Variants in DMKN observed in about 807,000 individuals in gnomAD.
DMKN encodes the protein epidermis-specific secreted protein SK30/SK89.
Under a neutral mutation model 67.6 loss-of-function variants are expected in DMKN, and 58 were observed. The observed-to-expected ratio is 0.86, with a 90% confidence interval of 0.69 to 1.07. The LOEUF (loss-of-function observed/expected upper bound fraction) is 1.07. Ranked by LOEUF, DMKN falls within the 50% of genes least tolerant of loss-of-function variation. DMKN has a pLI of 0.00. For synonymous variants in DMKN, 240 were observed against 232.3 expected (o/e 1.03, Z -0.30); for missense variants, 596 against 601.5 (o/e 0.99, Z 0.10).
chr19:35,501,864 G>T, intron 11 of DMKN: 1 of 1,586,932 alleles, frequency 6.3e-7, no homozygotes, highest in Non-Finnish European at 8.6e-7. Context: ...CCCAGCAGGA[G>T]CAGGAGCAGA....
Position 35,500,209 on chromosome 19 carries a change from A to G in DMKN, c.1288-180T>C, listed in dbSNP as rs575856737. On this transcript the variant is annotated intron_variant, in intron 12 of 15. Coordinates refer to ENST00000339686, the MANE Select transcript of DMKN (RefSeq NM_033317.5). ...CCAGCCAGCCAGGGCCCCCACCCTC[A>G]CCTGCCTTTACTGTCCTAGCCCAAA... The G allele has an allele frequency of 5.1e-6, 6 of 1,179,544 alleles. No individual in the cohort carries two copies. The African/African-American group carries it at 9.2e-5, about 18-fold the overall frequency. The allele number at this position is 1,179,544 out of a possible 1,614,324, so 73.1% of individuals were successfully genotyped here. A position where few individuals can be genotyped will look rare whatever the true frequency, so the allele number is the denominator to read the frequency against.
intron 13 of DMKN, chr19:35,499,366 G>A (rs2067976557): frequency 5.2e-6 from 1 of 190,856 alleles, no homozygotes; most frequent in Non-Finnish European, 1.1e-5. Context: ...TACACAGCCT[G>A]CTGTTGCTTT....
rs748895946 is a variant in DMKN at position 35,511,445 on chromosome 19, C to A, written c.884G>T (p.Gly295Val). The A allele has an allele frequency of 3.8e-6, 6 of 1,589,896 alleles. No individual in the cohort carries two copies. Among genetic ancestry groups the A allele is most frequent in the Non-Finnish European group, 5.1e-6 (6 of 1,172,420 alleles). Residue 295 changes from glycine (G) to valine (V), a missense_variant, in exon 5 of 16, where the codon GGC (glycine) becomes GTC (valine). By Grantham distance (109) the Gly-to-Val change is moderately radical. Transcript: ENST00000339686. Reference sequence around the variant, plus strand: ...CTCACTGCCGCTGTCACCTCTGCTGCCACCACTGTTGCCACTGCTGCCACC... The same window carrying A: ...CTCACTGCCGCTGTCACCTCTGCTGACACCACTGTTGCCACTGCTGCCACC... ...SSGGSSGNSG[G>V]SRGDSGSESS...
At chr19:35,502,420 C>T (rs1356998084) in intron 10 of DMKN, among the ~76,000 whole-genome samples, 2 of 152,202 alleles carry the variant, frequency 1.3e-5, no homozygotes, top group East Asian at 1.9e-4. Context: ...GGGGAGTTGG[C>T]TGGGCGCGGT....
In DMKN at chr19:35,511,449, C is replaced by A. The variant is rs1224044940; in HGVS notation, c.880G>T (p.Gly294Cys). The change falls in exon 5 of 16, where the codon GGT becomes TGT. Residue 294 changes from glycine (G) to cysteine (C), a missense_variant. By Grantham distance (159) the Gly-to-Cys change is radical (BLOSUM62 -3). Transcript: ENST00000339686. Reference protein sequence around the residue: ...GSSGGSSGNSGGSRGDSGSES... With the variant: ...GSSGGSSGNSCGSRGDSGSES... ...CTGCCGCTGTCACCTCTGCTGCCAC[C>A]ACTGTTGCCACTGCTGCCACCACTG... is the stretch of plus-strand genomic sequence containing the variant. 1 of 1,581,928 alleles carries A rather than the reference C, an allele frequency of 6.3e-7. No individual in the cohort carries two copies. Among genetic ancestry groups the A allele is most frequent in the Non-Finnish European group, 8.5e-7 (1 of 1,170,078 alleles).
rs2067900707 is a variant in DMKN at position 35,498,892 on chromosome 19, T to G, written c.1365A>C (p.Gly455=). The change falls in exon 14 of 16, where the codon GGA becomes GGC. Residue 455 remains glycine (G), a synonymous_variant. Transcript: ENST00000339686. ...KYSVKTPAKG[G]VSPSSSASRV... is the part of the protein sequence containing the mutation. Reference sequence around the variant, plus strand: ...TACTCACCGAGGAAGAAGGTGAGACTCCCCCCTGCAAAAAGATCAAAGGAA... The same window carrying G: ...TACTCACCGAGGAAGAAGGTGAGACGCCCCCCTGCAAAAAGATCAAAGGAA... 1 of 1,613,930 alleles carries G rather than the reference T, an allele frequency of 6.2e-7. No homozygotes were observed. Among genetic ancestry groups the G allele is most frequent in the Non-Finnish European group, 8.5e-7 (1 of 1,179,984 alleles).
At chr19:35,498,579 G>A (rs2067834259) in intron 15 of DMKN, 137 bp downstream of exon 15, 1 of 1,205,066 alleles carries the variant, frequency 8.3e-7, no homozygotes, top group Non-Finnish European at 1.2e-6. Flanking sequence ...CACCTTTAGA[G>A]CACGCACCCA....
intron 5 of DMKN, chr19:35,510,558 C>T (rs954133506): frequency 6.4e-5 from 97 of 1,527,014 alleles, no homozygotes; most frequent in Non-Finnish European, 8.0e-5. Context: ...ATCCTGCCAC[C>T]AGGGGGCAGC....
intron 5 of DMKN, 99 bp downstream of exon 5, chr19:35,511,312 C>T (rs536882361): frequency 8.3e-6 from 13 of 1,570,114 alleles, no homozygotes; most frequent in African/African-American, 5.4e-5. Context: ...CGCCCATCCT[C>T]GGGCAGCGGC....
intron 11 of DMKN, among the ~76,000 whole-genome samples, chr19:35,501,132 C>T (rs1307549021): frequency 2.0e-5 from 3 of 152,154 alleles, no homozygotes; most frequent in African/African-American, 4.8e-5. Context: ...CCAGCCCCAG[C>T]GCAAGAGGAG....
rs368568845 is a variant in DMKN at position 35,499,621 on chromosome 19, G to C, written c.1359+337C>G. ...CCACAGAGAGGGAACCTGTGAGGAA[G>C]AGCTGCTTGCGTGTTTTGCAGGTGT... On this transcript the variant is annotated intron_variant, in intron 13 of 15. Transcript: ENST00000339686. 2.6e-5 allele frequency among the ~76,000 whole-genome samples: 4 copies of C among 152,356 alleles called. No homozygotes were observed. The South Asian group carries it at 8.3e-4, about 32-fold the overall frequency.
rs374587394 is a variant in DMKN at position 35,502,797 on chromosome 19, C to T, written c.1191+33G>A. ...TTGGGGAGAGTCAGGAGGGCCAGGCCCCCAGTTCTTCAAACAGCAAGAATT... is the reference window on the plus strand; with the variant it reads ...TTGGGGAGAGTCAGGAGGGCCAGGCTCCCAGTTCTTCAAACAGCAAGAATT... On this transcript the variant is annotated intron_variant, in intron 10 of 15. Coordinates refer to ENST00000339686, the MANE Select transcript of DMKN (RefSeq NM_033317.5). The T allele has an allele frequency of 2.2e-5, 35 of 1,612,990 alleles. No homozygotes were observed. In the African/African-American group the frequency reaches 4.5e-4, roughly 21 times the overall value.
Position 35,512,410 on chromosome 19 carries a change from C to A in DMKN, c.684+11G>T. The A allele has an allele frequency of 6.2e-7, 1 of 1,614,016 alleles. No individual in the cohort carries two copies. The highest frequency in any genetic ancestry group is 8.5e-7 in the Non-Finnish European group (1 of 1,179,934). On this transcript the variant is annotated intron_variant, in intron 3 of 15. Coordinates refer to ENST00000339686, the MANE Select transcript of DMKN (RefSeq NM_033317.5). ...TGGCTTCTTCATTTGTTCCCAGCCCCTTCCTCTTACCCCTTCATTCTGGTT... is the reference window on the plus strand; with the variant it reads ...TGGCTTCTTCATTTGTTCCCAGCCCATTCCTCTTACCCCTTCATTCTGGTT...
intron 9 of DMKN, 115 bp from the exon 10 acceptor site, chr19:35,503,001 G>A: frequency 8.1e-7 from 1 of 1,227,122 alleles, no homozygotes; most frequent in East Asian, 2.5e-5. Flanking sequence ...TAAGGTTGGG[G>A]ATGGGAGGAG....
chr19:35,510,750 C>A (rs1215023276), intron 5 of DMKN, among the ~76,000 whole-genome samples: 2 of 152,202 alleles, frequency 1.3e-5, no homozygotes, highest in Non-Finnish European at 2.9e-5. Context: ...TTCCCGACCC[C>A]CGAGGAAGCC....
chr19:35,509,897 ACTTTGG>A lies in DMKN; in HGVS notation c.1038+8_1038+13del. The A allele has an allele frequency of 1.2e-6, 2 of 1,614,090 alleles. No individual in the cohort carries two copies. Among genetic ancestry groups the A allele is most frequent in the Non-Finnish European group, 1.7e-6 (2 of 1,179,970 alleles). ...CTGCAGTCCCCAGGAGACTTAAGAG[ACTTTGG>A]CTCTCACCTGAATCCCAGATTCCCC... On this transcript the variant is annotated splice_region_variant and intron_variant, in intron 7 of 15. Coordinates refer to ENST00000339686, the MANE Select transcript of DMKN (RefSeq NM_033317.5).
In DMKN at chr19:35,505,720, T is replaced by G; in HGVS notation, c.1132A>C (p.Lys378Gln). ...LGFINWDAIN[K>Q]NQVPPPSTRA... ...CGACGAAGATGTCCAGCCCTTACCT[T>G]GTTTATGGCATCCCAGTTGATGAAA... Residue 378 changes from lysine (K) to glutamine (Q), a missense_variant and splice_region_variant, in exon 9 of 16, where the codon AAG becomes CAG. Transcript: ENST00000339686. 1 of 1,614,202 alleles carries G rather than the reference T, an allele frequency of 6.2e-7. No individual in the cohort carries two copies. The highest frequency in any genetic ancestry group is 8.5e-7 in the Non-Finnish European group (1 of 1,180,044).
chr19:35,511,765 C>A lies in DMKN; in HGVS notation c.733G>T (p.Gly245Trp). ...CTGGGTTGCCCCTCTCCACTCACCC[C>A]AGAGTTGCTGGAGCCTCCACCTGAG... Reference protein sequence around the residue: ...SGSGGGSSNSGGGSGSQSGSS... With the variant: ...SGSGGGSSNSWGGSGSQSGSS... Residue 245 changes from glycine to tryptophan, a missense_variant and splice_region_variant, in exon 4 of 16, where the codon GGG (glycine) becomes TGG (tryptophan). Gly to Trp is a radical substitution (Grantham distance 184). Transcript: ENST00000339686. 6.2e-7 allele frequency: 1 copy of A among 1,613,186 alleles called. No individual in the cohort carries two copies. The highest frequency in any genetic ancestry group is 8.5e-7 in the Non-Finnish European group (1 of 1,179,486).
chr19:35,512,515 G>A (rs1266402174), intron 2 of DMKN, 38 bp from the exon 3 acceptor site: 1 of 1,614,102 alleles, frequency 6.2e-7, no homozygotes, highest in South Asian at 1.1e-5. Flanking sequence ...GATCCAGAGG[G>A]ACCAGGGAGG....
Sources: allele counts gnomAD v4.1 joint callset (sites outside exome capture counted in the v4.1 genomes callset), GRCh38; gene constraint gnomAD v4.1.1; transcripts MANE v1.5; gene names NCBI Gene and HGNC (gene_info 2026-07-23, HGNC 2026-07-21).